Variants in ZNF551 observed in about 807,000 individuals in gnomAD.
The protein encoded by ZNF551 is zinc finger protein 551.
A neutral mutation model predicts 7.9 loss-of-function variants in ZNF551; 5 were observed. The ratio of observed to expected loss-of-function variants is 0.63; its 90% confidence interval spans 0.33 to 1.33. The LOEUF is 1.33. Among genes scored for constraint, ZNF551 ranks in the 40% most tolerant of loss-of-function variants. The pLI is 0.05. For missense variants in ZNF551, 788 were observed against 825.2 expected (o/e 0.95, Z 0.55); for synonymous variants, 287 against 277.3 (o/e 1.03, Z -0.35).
At position 57,688,325 on chromosome 19, in the gene ZNF551, A is replaced by G. The variant is rs1207673283; in HGVS notation, c.*37A>G. ...ATGTGCTATTTCTTTATTCAGTATA[A>G]TAGCACTGGAGGAGACTGTGGTAGC... On this transcript the variant is annotated 3_prime_UTR_variant, in exon 3 of 3. Coordinates refer to ENST00000282296, the MANE Select transcript of ZNF551 (RefSeq NM_138347.5). The G allele has an allele frequency of 8.8e-6, 14 of 1,594,150 alleles. No individual in the cohort carries two copies. Among genetic ancestry groups the G allele is most frequent in the Non-Finnish European group, 1.1e-5 (13 of 1,167,632 alleles).
rs1375974284 is a variant in ZNF551 at position 57,689,309 on chromosome 19, C to T, written c.*1021C>T. ...TAGACTGGTGCCATTTGTTGTCAGA[C>T]TATAGGTGTGGAGGTGAAATTACAG... On this transcript the variant is annotated 3_prime_UTR_variant, in exon 3 of 3. Coordinates refer to ENST00000282296, the MANE Select transcript of ZNF551 (RefSeq NM_138347.5). The T allele has an allele frequency of 6.6e-6, 1 of 152,064 alleles. No individual in the cohort carries two copies. Among genetic ancestry groups the T allele is most frequent in the Non-Finnish European group, 1.5e-5 (1 of 68,022 alleles). The allele number at this position is 152,064 out of a possible 1,614,324, so 9.4% of individuals were successfully genotyped here. A position where few individuals can be genotyped will look rare whatever the true frequency, so the allele number is the denominator to read the frequency against.
chr19:57,687,403 T>C lies in ZNF551; in HGVS notation c.1128T>C (p.Ser376=). 1 of 1,614,080 alleles carries C rather than the reference T, an allele frequency of 6.2e-7. No individual in the cohort carries two copies. Among genetic ancestry groups the C allele is most frequent in the South Asian group, 1.1e-5 (1 of 91,070 alleles). ...GCGGGAAATCCTTTAGACAAAGCTC[T>C]AGCCTTTTTCGACACCAGAGAGTTC... The part of the protein sequence containing the change: ...GECGKSFRQS[S]SLFRHQRVHS... The change falls in exon 3 of 3, where the codon TCT becomes TCC. Residue 376 remains serine (S), a synonymous_variant. Coordinates refer to ENST00000282296, the MANE Select transcript of ZNF551 (RefSeq NM_138347.5).
In ZNF551 at chr19:57,688,389, G is replaced by C. The variant is rs910042086; in HGVS notation, c.*101G>C. ...TTAAACTTTGAGCACCCACAGTGGG[G>C]TATTCTTCATAAGTTTCAGGTATGT... On this transcript the variant is annotated 3_prime_UTR_variant, in exon 3 of 3. Transcript: ENST00000282296. The C allele has an allele frequency of 6.8e-7, 1 of 1,466,640 alleles. No individual in the cohort carries two copies. The highest frequency in any genetic ancestry group is 9.2e-7 in the Non-Finnish European group (1 of 1,090,130). The allele number at this position is 1,466,640 out of a possible 1,614,324, so 90.9% of individuals were successfully genotyped here. A position where few individuals can be genotyped will look rare whatever the true frequency, so the allele number is the denominator to read the frequency against.
Position 57,688,088 on chromosome 19 carries a change from CA to C in ZNF551, c.1814del (p.His605ProfsTer79). The C allele has an allele frequency of 6.2e-7, 1 of 1,614,140 alleles. No individual in the cohort carries two copies. The highest frequency in any genetic ancestry group is 2.2e-5 in the East Asian group (1 of 44,864). On this transcript the variant is annotated frameshift_variant, in exon 3 of 3. Coordinates refer to ENST00000282296, the MANE Select transcript of ZNF551 (RefSeq NM_138347.5). LOFTEE classifies it low-confidence loss of function (END_TRUNC). ...TAGCCAGAGCTCTAGCCTCATTCAA[CA>C]CCAGAGAGGTCACACTGGAGAAAGA... The part of the protein sequence containing the change: ...SFSQSSSLIQ[H>X]QRGHTGERPY...
rs765648623 is a variant in ZNF551 at position 57,688,212 on chromosome 19, G to C, written c.1937G>C (p.Ser646Thr). ...VHTGERPYEC[S>T]ECGKSFSRKS... ...ACTGGAGAAAGGCCTTATGAATGCA[G>C]TGAATGTGGGAAATCCTTTAGCCGC... is the stretch of plus-strand genomic sequence containing the variant. Residue 646 changes from serine to threonine, a missense_variant, in exon 3 of 3, where the codon AGT (serine) becomes ACT (threonine). Physicochemically the swap from Ser to Thr is moderately conservative, Grantham distance 58. Transcript: ENST00000282296. The C allele has an allele frequency of 6.2e-7, 1 of 1,614,288 alleles. No homozygotes were observed. The highest frequency in any genetic ancestry group is 1.7e-5 in the Admixed American group (1 of 60,036).
Position 57,681,984 on chromosome 19 carries a change from C to T in ZNF551, c.-180C>T, listed in dbSNP as rs1984392582. 1.6e-5 allele frequency: 10 copies of T among 642,428 alleles called. No individual in the cohort carries two copies. Among genetic ancestry groups the T allele is most frequent in the Non-Finnish European group, 2.6e-5 (10 of 382,612 alleles). The allele number at this position is 642,428 out of a possible 1,614,324, so 39.8% of individuals were successfully genotyped here. On this transcript the variant is annotated 5_prime_UTR_variant, in exon 1 of 3. Coordinates refer to ENST00000282296, the MANE Select transcript of ZNF551 (RefSeq NM_138347.5). ...CGCGCAGCGCGACGGGCCGGAACTT[C>T]CGGCGTCCTCCTCGTGGCGGTCATT...
rs375737849 is a variant in ZNF551, at chr19:57,685,234, G to T, written c.82-28G>T. ...AGGATAATGAACTCCGGGTCTGATC[G>T]TGGATTGAACTATTCCTGCTGTGAC... On this transcript the variant is annotated intron_variant, in intron 1 of 2. Coordinates refer to ENST00000282296, the MANE Select transcript of ZNF551 (RefSeq NM_138347.5). The T allele has an allele frequency of 1.9e-5, 30 of 1,611,888 alleles. No individual in the cohort carries two copies. In the African/African-American group the frequency reaches 3.2e-4, roughly 17 times the overall value.
chr19:57,687,547 T>C lies in ZNF551; in HGVS notation c.1272T>C (p.Cys424=). ...TGEMPYQCSD[C]GKSFSCKSEL... ...AAATGCCTTATCAGTGCAGTGATTG[T>C]GGGAAATCTTTTAGCTGCAAATCGG... The change falls in exon 3 of 3, where the codon TGT becomes TGC. Residue 424 remains cysteine (C), a synonymous_variant. Coordinates refer to ENST00000282296, the MANE Select transcript of ZNF551 (RefSeq NM_138347.5). 1 of 1,614,204 alleles carries C rather than the reference T, an allele frequency of 6.2e-7. No homozygotes were observed. Among genetic ancestry groups the C allele is most frequent in the Non-Finnish European group, 8.5e-7 (1 of 1,180,020 alleles).
In ZNF551 at chr19:57,687,554, T is replaced by G. The variant is rs201407647; in HGVS notation, c.1279T>G (p.Ser427Ala). Residue 427 changes from serine to alanine, a missense_variant, in exon 3 of 3, where the codon TCT becomes GCT. Physicochemically the swap from Ser to Ala is moderately conservative, Grantham distance 99. Coordinates refer to ENST00000282296, the MANE Select transcript of ZNF551 (RefSeq NM_138347.5). ...MPYQCSDCGKSFSCKSELIQH... is the reference protein window; with the variant it reads ...MPYQCSDCGKAFSCKSELIQH... ...TTATCAGTGCAGTGATTGTGGGAAATCTTTTAGCTGCAAATCGGAACTCAT... is the reference window on the plus strand; with the variant it reads ...TTATCAGTGCAGTGATTGTGGGAAAGCTTTTAGCTGCAAATCGGAACTCAT... 3.1e-6 allele frequency: 5 copies of G among 1,614,162 alleles called. No individual in the cohort carries two copies. In the East Asian group the frequency reaches 1.1e-4, roughly 36 times the overall value.
chr19:57,686,517 C>T lies in ZNF551; in HGVS notation c.242C>T (p.Ser81Phe). 1 of 1,613,598 alleles carries T rather than the reference C, an allele frequency of 6.2e-7. No homozygotes were observed. Among genetic ancestry groups the T allele is most frequent in the Non-Finnish European group, 8.5e-7 (1 of 1,179,526 alleles). ...CHGMENEAIA[S>F]EQSVSIQVRT... ...GGAATGGAGAATGAGGCGATAGCTT[C>T]TGAGCAGAGTGTATCTATACAGGTC... Residue 81 changes from serine to phenylalanine, a missense_variant, in exon 3 of 3, where the codon TCT becomes TTT. Transcript: ENST00000282296.
rs754774387 is a variant in ZNF551, at chr19:57,687,196, T to C, written c.921T>C (p.Tyr307=). 8.7e-6 allele frequency: 14 copies of C among 1,614,256 alleles called. No individual in the cohort carries two copies. Among genetic ancestry groups the C allele is most frequent in the Non-Finnish European group, 1.1e-5 (13 of 1,180,052 alleles). The change falls in exon 3 of 3, where the codon TAT becomes TAC. Residue 307 remains tyrosine (Y), a synonymous_variant. Coordinates refer to ENST00000282296, the MANE Select transcript of ZNF551 (RefSeq NM_138347.5). ...TAATTCACACTGGAGAAAGGCCTTA[T>C]GAATGCAGTGATCGTGAGAAAGCCT... is the stretch of plus-strand genomic sequence containing the variant. ...HKIIHTGERP[Y]ECSDREKAFI...
chr19:57,688,278 A>G lies in ZNF551; in HGVS notation c.2003A>G (p.Glu668Gly), dbSNP rs1161572953. 1 of 1,613,794 alleles carries G rather than the reference A, an allele frequency of 6.2e-7. No homozygotes were observed. Among genetic ancestry groups the G allele is most frequent in the South Asian group, 1.1e-5 (1 of 91,084 alleles). ...CGACATCGGAGAGTTCACACTGAAG[A>G]AAGGCCTTAAATGTGAAGGGAATGT... ...LIRHRRVHTEERP is the reference protein window; with the variant it reads ...LIRHRRVHTEGRP Residue 668 changes from glutamate to glycine, a missense_variant, in exon 3 of 3, where the codon GAA becomes GGA. Coordinates refer to ENST00000282296, the MANE Select transcript of ZNF551 (RefSeq NM_138347.5).
In ZNF551 at chr19:57,681,996, T is replaced by G. The variant is rs1179990511; in HGVS notation, c.-168T>G. Reference sequence around the variant, plus strand: ...CGGGCCGGAACTTCCGGCGTCCTCCTCGTGGCGGTCATTTTGGCCTCTGTC... The same window carrying G: ...CGGGCCGGAACTTCCGGCGTCCTCCGCGTGGCGGTCATTTTGGCCTCTGTC... On this transcript the variant is annotated 5_prime_UTR_variant, in exon 1 of 3. Transcript: ENST00000282296. The G allele has an allele frequency of 4.5e-6, 3 of 672,138 alleles. No individual in the cohort carries two copies. Among genetic ancestry groups the G allele is most frequent in the Non-Finnish European group, 7.3e-6 (3 of 410,164 alleles). The allele number at this position is 672,138 out of a possible 1,614,324, so 41.6% of individuals were successfully genotyped here. A position where few individuals can be genotyped will look rare whatever the true frequency, so the allele number is the denominator to read the frequency against.
rs1048835806 is a variant in ZNF551 at position 57,685,440 on chromosome 19, CCT to C, written c.205+58_205+59del. 5.6e-6 allele frequency: 9 copies of C among 1,612,908 alleles called. No homozygotes were observed. In the Admixed American group the frequency reaches 1.0e-4, roughly 18 times the overall value. The stretch of plus-strand genomic sequence containing the variant: ...GCTTTTCTTTTTGACCCCAGAGTTA[CCT>C]CTGTCTCAGGAGTCTTGCTGTCAGC... On this transcript the variant is annotated intron_variant, in intron 2 of 2. Coordinates refer to ENST00000282296, the MANE Select transcript of ZNF551 (RefSeq NM_138347.5).
chr19:57,685,453 A>T (rs1390201234), intron 2 of ZNF551, 68 bp downstream of exon 2: 1 of 1,610,684 alleles, frequency 6.2e-7, no homozygotes, highest in Non-Finnish European at 8.5e-7. Context: ...CTGTCTCAGG[A>T]GTCTTGCTGT....
chr19:57,684,817 G>C (rs1334735326), intron 1 of ZNF551, among the ~76,000 whole-genome samples: 3 of 152,178 alleles, frequency 2.0e-5, no homozygotes, highest in African/African-American at 4.8e-5. Flanking sequence ...GGTTCAAAGA[G>C]TGATGTACAT....
Position 57,689,036 on chromosome 19 carries a change from G to A in ZNF551, c.*748G>A, listed in dbSNP as rs986442147. ...TCTTTGTTCTGTATTGCTCTAATTG[G>A]CCTGCTGCCCAAGGCCTCAAAGTAA... On this transcript the variant is annotated 3_prime_UTR_variant, in exon 3 of 3. Transcript: ENST00000282296. 8 of 152,200 alleles carry A rather than the reference G, an allele frequency of 5.3e-5. No homozygotes were observed. The highest frequency in any genetic ancestry group is 4.6e-4 in the Admixed American group (7 of 15,280). 9.4% of individuals were successfully genotyped at this position (152,200 alleles called of 1,614,324 possible).
rs756033882 is a variant in ZNF551 at position 57,687,570 on chromosome 19, C to T, written c.1295C>T (p.Ser432Leu). 1.5e-5 allele frequency: 24 copies of T among 1,614,054 alleles called. No individual in the cohort carries two copies. Among genetic ancestry groups the T allele is most frequent in the Non-Finnish European group, 1.8e-5 (21 of 1,180,044 alleles). Reference sequence around the variant, plus strand: ...TGTGGGAAATCTTTTAGCTGCAAATCGGAACTCATTCAACACCAGAGAATT... The same window carrying T: ...TGTGGGAAATCTTTTAGCTGCAAATTGGAACTCATTCAACACCAGAGAATT... ...SDCGKSFSCKSELIQHQRIHS... is the reference protein window; with the variant it reads ...SDCGKSFSCKLELIQHQRIHS... Residue 432 changes from serine to leucine, a missense_variant, in exon 3 of 3, where the codon TCG (serine) becomes TTG (leucine). By Grantham distance (145) the Ser-to-Leu change is moderately radical (BLOSUM62 -2). Transcript: ENST00000282296.
intron 2 of ZNF551, among the ~76,000 whole-genome samples, chr19:57,685,955 A>G (rs1419434957): frequency 6.6e-6 from 1 of 152,112 alleles, no homozygotes; most frequent in Non-Finnish European, 1.5e-5. Context: ...TCCCTATACA[A>G]TACTGTGCTG....
Sources: gnomAD v4.1 joint callset for allele counts (sites outside exome capture counted in the v4.1 genomes callset) on GRCh38, gnomAD v4.1.1 for gene constraint, MANE v1.5 for transcripts, NCBI Gene and HGNC (gene_info 2026-07-23, HGNC 2026-07-21) for gene names.